Variants in PPP1R9A observed in about 807,000 individuals in gnomAD.
PPP1R9A encodes protein phosphatase 1 regulatory subunit 9A.
In PPP1R9A, 59 loss-of-function variants were observed where a neutral mutation model predicts 141.9. The observed-to-expected ratio is 0.42, with a 90% confidence interval of 0.34 to 0.52. The LOEUF (loss-of-function observed/expected upper bound fraction) is 0.52. PPP1R9A is among the 20% of genes least tolerant of loss of function. The pLI is 0.10. For missense variants in PPP1R9A, 1,444 were observed against 1,611.9 expected, an observed-to-expected ratio of 0.90 and a Z score of 1.78; for synonymous variants, 500 against 569.7, an observed-to-expected ratio of 0.88 and a Z score of 1.74.
At chr7:94,916,600 T>C (rs1177982213) in intron 2 of PPP1R9A, among the ~76,000 whole-genome samples, 4 of 152,190 alleles carry the variant, frequency 2.6e-5, no homozygotes, top group African/African-American at 9.6e-5. Flanking sequence ...ACTCAAGGCA[T>C]TTGGGTCATT....
Position 94,910,969 on chromosome 7 carries a change from A to G in PPP1R9A, c.856A>G (p.Ser286Gly). The change falls in exon 2 of 20, where the codon AGT (serine) becomes GGT (glycine). Residue 286 changes from serine (S) to glycine (G), a missense_variant. By Grantham distance (56) the Ser-to-Gly change is moderately conservative (BLOSUM62 0). This residue lies in a region of PPP1R9A where 490 missense variants were observed against 521.1 expected (regional missense o/e 0.94). Transcript: ENST00000433360. This position sits in a 1 kb window ranked among gnomAD's most constrained non-coding sequence, Gnocchi z 4.5. Reference protein sequence around the residue: ...ATPVPEVASKSTSLASIPGEE... With the variant: ...ATPVPEVASKGTSLASIPGEE... ...TCCAGTACCAGAAGTGGCTTCTAAA[A>G]GTACCTCTCTAGCTTCGATACCTGG... is the stretch of plus-strand genomic sequence containing the variant. The G allele has an allele frequency of 1.9e-6, 3 of 1,614,188 alleles. No individual in the cohort carries two copies. Among genetic ancestry groups the G allele is most frequent in the Non-Finnish European group, 2.5e-6 (3 of 1,180,038 alleles).
intron 2 of PPP1R9A, among the ~76,000 whole-genome samples, chr7:94,922,683 A>G (rs1164641569): frequency 6.6e-6 from 1 of 152,208 alleles, no homozygotes; most frequent in African/African-American, 2.4e-5. Flanking sequence ...CTTTAAAAAT[A>G]TGTGTATTTG....
intron 2 of PPP1R9A, among the ~76,000 whole-genome samples, chr7:94,990,435 T>G (rs932167417): frequency 6.6e-6 from 1 of 152,130 alleles, no homozygotes; most frequent in African/African-American, 2.4e-5. Context: ...ATTTTTCTTT[T>G]TTTTAACTTT....
intron 5 of PPP1R9A, among the ~76,000 whole-genome samples, chr7:95,179,741 TATCAAATCA>T (rs1833440629): frequency 8.7e-6 from 1 of 114,932 alleles, no homozygotes; most frequent in Admixed American, 1.0e-4. Context: ...CAAAGTGGAG[TATCAAATCA>T]AGAACTCAAC....
intron 2 of PPP1R9A, among the ~76,000 whole-genome samples, chr7:95,059,046 T>C (rs1811868674): frequency 6.6e-6 from 1 of 152,188 alleles, no homozygotes; most frequent in South Asian, 2.1e-4. Flanking sequence ...CACCTTGGCC[T>C]CCCAAAGTGT....
At chr7:95,025,300 C>T (rs984399331) in intron 2 of PPP1R9A, among the ~76,000 whole-genome samples, 3 of 151,990 alleles carry the variant, frequency 2.0e-5, no homozygotes, top group Non-Finnish European at 2.9e-5. Flanking sequence ...CTCCTGACCT[C>T]GTGATCCACC....
At chr7:95,250,871 T>G (rs1406260817) in intron 10 of PPP1R9A, among the ~76,000 whole-genome samples, 1 of 152,040 alleles carries the variant, frequency 6.6e-6, no homozygotes, top group African/African-American at 2.4e-5. Context: ...TGCTTCCATC[T>G]CTTGGATCTC....
intron 16 of PPP1R9A, among the ~76,000 whole-genome samples, chr7:95,282,627 A>T (rs1290759954): frequency 6.6e-6 from 1 of 152,110 alleles, no homozygotes; most frequent in African/African-American, 2.4e-5. Context: ...TGCAGAGGGG[A>T]CAGCTTTCCC....
chr7:95,085,900 T>G (rs1816561664), intron 2 of PPP1R9A, among the ~76,000 whole-genome samples: 2 of 152,022 alleles, frequency 1.3e-5, no homozygotes, highest in South Asian at 2.1e-4. Context: ...TTGTGTAATT[T>G]CATCTAAAGG....
chr7:95,263,946 C>T (rs1382529512), intron 12 of PPP1R9A, among the ~76,000 whole-genome samples: 4 of 152,054 alleles, frequency 2.6e-5, no homozygotes, highest in Non-Finnish European at 5.9e-5. Context: ...CATAGCAATA[C>T]AGTTATTATG....
At chr7:95,028,550 G>A (rs187901712) in intron 2 of PPP1R9A, among the ~76,000 whole-genome samples, 47 of 152,190 alleles carry the variant, frequency 3.1e-4, no homozygotes, top group African/African-American at 1.1e-3. Flanking sequence ...ATTAGAAATC[G>A]TGTGATGGAA....
rs529751207 is a variant in PPP1R9A at position 94,984,811 on chromosome 7, G to T, written c.1395+73303G>T. Among the ~76,000 whole-genome samples, 519 of 152,040 alleles carry T rather than the reference G, an allele frequency of 3.4e-3. 5 individuals are homozygous for T. The highest frequency in any genetic ancestry group is 0.012 in the African/African-American group (492 of 41,466). On this transcript the variant is annotated intron_variant, in intron 2 of 19. Coordinates refer to ENST00000433360, the MANE Select transcript of PPP1R9A (RefSeq NM_001166160.2). ...CTGGATTCATTGATTTTTTTGAAGG[G>T]TTTTTTGTGTCTCTATCTCCTTCAG... is the stretch of plus-strand genomic sequence containing the variant.
chr7:95,097,227 T>C (rs1250658039), intron 2 of PPP1R9A, among the ~76,000 whole-genome samples: 1 of 152,138 alleles, frequency 6.6e-6, no homozygotes, highest in Non-Finnish European at 1.5e-5. Flanking sequence ...GGTTTCACCA[T>C]GTTGGCCAGG....
At chr7:95,190,408 A>G (rs1461190170) in intron 5 of PPP1R9A, among the ~76,000 whole-genome samples, 1 of 152,180 alleles carries the variant, frequency 6.6e-6, no homozygotes, top group Non-Finnish European at 1.5e-5. Flanking sequence ...GGATACCAGT[A>G]CCTGCTCTGG....
At position 95,119,042 on chromosome 7, in the gene PPP1R9A, A is replaced by G. The variant is rs545535699; in HGVS notation, c.1529-1670A>G. Among the ~76,000 whole-genome samples, 7 of 152,074 alleles carry G rather than the reference A, an allele frequency of 4.6e-5. No individual in the cohort carries two copies. The East Asian group carries it at 1.4e-3, about 29-fold the overall frequency. ...ACAGAAAAAATGCTTAAGAAAGTGAAGGTTATTGCTGAAAAGTCTTTTAAA... is the reference window on the plus strand; with the variant it reads ...ACAGAAAAAATGCTTAAGAAAGTGAGGGTTATTGCTGAAAAGTCTTTTAAA... On this transcript the variant is annotated intron_variant, in intron 3 of 19. Transcript: ENST00000433360.
chr7:95,065,130 CT>C (rs1812774283), intron 2 of PPP1R9A, among the ~76,000 whole-genome samples: 2 of 152,116 alleles, frequency 1.3e-5, no homozygotes, highest in Admixed American at 6.5e-5. Flanking sequence ...CAGTGGCATG[CT>C]CATAGCTCAC....
intron 4 of PPP1R9A, among the ~76,000 whole-genome samples, chr7:95,151,731 T>G (rs2152660452): frequency 6.6e-6 from 1 of 151,846 alleles, no homozygotes; most frequent in East Asian, 1.9e-4. Context: ...TGTGCATGTG[T>G]GCAGACAGGA....
intron 2 of PPP1R9A, among the ~76,000 whole-genome samples, chr7:95,013,788 G>A (rs986683794): frequency 1.3e-5 from 2 of 152,048 alleles, no homozygotes; most frequent in Non-Finnish European, 2.9e-5. Context: ...TATTAATATT[G>A]CAGCCCTTCT....
At chr7:95,118,109 A>G (rs1489106383) in intron 3 of PPP1R9A, among the ~76,000 whole-genome samples, 1 of 152,234 alleles carries the variant, frequency 6.6e-6, no homozygotes, top group South Asian at 2.1e-4. Context: ...AAGAGAATTC[A>G]TGGTGGGAGA....
Sources: allele counts gnomAD v4.1 joint callset (sites outside exome capture counted in the v4.1 genomes callset), GRCh38; gene constraint gnomAD v4.1.1; regional missense constraint gnomAD v4.1.1; non-coding constraint Gnocchi (gnomAD v3.1); transcripts MANE v1.5; gene names NCBI Gene and HGNC (gene_info 2026-07-23, HGNC 2026-07-21).